Variants in CNTNAP2 observed in about 807,000 individuals in gnomAD.
The protein encoded by CNTNAP2 is contactin associated protein 2.
A neutral mutation model predicts 155.2 loss-of-function variants in CNTNAP2; 98 were observed. The ratio of observed to expected loss-of-function variants is 0.63; its 90% CI spans 0.54 to 0.75. The LOEUF (loss-of-function observed/expected upper bound fraction) is 0.75, where lower values mean the gene tolerates loss of function less well. Among genes scored for constraint, CNTNAP2 ranks in the 30% least tolerant of loss-of-function variants. The pLI is 0.00. For missense variants in CNTNAP2, 1,727 were observed against 1,688.1 expected (o/e 1.02, Z -0.40); for synonymous variants, 651 against 631.2 (o/e 1.03, Z -0.47).
At chr7:146,573,636 A>G (rs11980615) in intron 1 of CNTNAP2, among the ~76,000 whole-genome samples, 4,611 of 152,262 alleles carry the variant, frequency 0.03, 255 homozygotes, top group African/African-American at 0.11. Flanking sequence ...CACCTGCATA[A>G]AGACCTAAGA....
Position 147,903,399 on chromosome 7 carries a change from G to A in CNTNAP2, c.2099-166G>A, listed in dbSNP as rs916043167. On this transcript the variant is annotated intron_variant, in intron 13 of 23. Coordinates refer to ENST00000361727, the MANE Select transcript of CNTNAP2 (RefSeq NM_014141.6). ...CTTTGTCAGATAGATAGACTGTGAA[G>A]ATTTTCTCCCACTCTGTGGGTTGTC... 2.0e-5 allele frequency among the ~76,000 whole-genome samples: 3 copies of A among 152,154 alleles called. No individual in the cohort carries two copies. The East Asian group carries it at 5.8e-4, about 29-fold the overall frequency.
intron 1 of CNTNAP2, among the ~76,000 whole-genome samples, chr7:146,671,996 AGTAGAGACGGG>A (rs1239273664): frequency 3.3e-5 from 5 of 152,034 alleles, no homozygotes; most frequent in African/African-American, 1.2e-4. Flanking sequence ...TTGTATTTTT[AGTAGAGACGGG>A]GTTTCACCAT....
intron 3 of CNTNAP2, chr7:146,915,869 G>A (rs1796382924): frequency 6.6e-6 from 1 of 152,130 alleles, no homozygotes; most frequent in Non-Finnish European, 1.5e-5. Flanking sequence ...AATAGAAGTG[G>A]TGAAAGTGGG....
chr7:147,768,430 A>G (rs1797416361), intron 13 of CNTNAP2, among the ~76,000 whole-genome samples: 2 of 152,118 alleles, frequency 1.3e-5, no homozygotes, highest in Admixed American at 1.3e-4. Context: ...ACTCTTTACT[A>G]TATTAGTGCT....
intron 16 of CNTNAP2, among the ~76,000 whole-genome samples, chr7:148,124,272 A>T (rs1307732342): frequency 1.3e-5 from 2 of 152,130 alleles, no homozygotes; most frequent in Admixed American, 1.3e-4. Flanking sequence ...TTGTGTGTGG[A>T]CGTTTGTTTG....
At chr7:148,269,785 A>G (rs1047175757) in intron 21 of CNTNAP2, among the ~76,000 whole-genome samples, 1 of 152,212 alleles carries the variant, frequency 6.6e-6, no homozygotes, top group Non-Finnish European at 1.5e-5. Flanking sequence ...TTCATGAGTC[A>G]TGGATCTGAG....
At chr7:147,332,468 A>G (rs1031285187) in intron 9 of CNTNAP2, among the ~76,000 whole-genome samples, 2 of 152,190 alleles carry the variant, frequency 1.3e-5, no homozygotes, top group African/African-American at 4.8e-5. Context: ...ATGCCTGATT[A>G]ACACCTGGAG....
rs1211314246 is a variant in CNTNAP2, at chr7:148,371,247, A to G, written c.3476-12402A>G. On this transcript the variant is annotated intron_variant, in intron 21 of 23. Transcript: ENST00000361727. Reference sequence around the variant, plus strand: ...TTCTTCTATCAGCCCCATTGTCCCAACAAAGGAGGGGGAGAGGAGGCTACG... The same window carrying G: ...TTCTTCTATCAGCCCCATTGTCCCAGCAAAGGAGGGGGAGAGGAGGCTACG... 3.3e-5 allele frequency among the ~76,000 whole-genome samples: 5 copies of G among 152,204 alleles called. 1 individual carries two copies. The highest frequency in any genetic ancestry group is 1.3e-4 in the Admixed American group (2 of 15,280).
chr7:146,891,639 A>G (rs937320195), intron 3 of CNTNAP2, among the ~76,000 whole-genome samples: 1 of 152,182 alleles, frequency 6.6e-6, no homozygotes, highest in African/African-American at 2.4e-5. Flanking sequence ...ATGATTTTTT[A>G]CAATAATATG....
chr7:146,976,091 G>A (rs1298664829), intron 3 of CNTNAP2, among the ~76,000 whole-genome samples: 2 of 152,170 alleles, frequency 1.3e-5, no homozygotes, highest in South Asian at 2.1e-4. Context: ...TTGAAATATG[G>A]TGTCAAGTTT....
chr7:147,600,113 T>C (rs971303697), intron 12 of CNTNAP2, among the ~76,000 whole-genome samples: 1 of 152,184 alleles, frequency 6.6e-6, no homozygotes, highest in Admixed American at 6.5e-5. Context: ...ATGCAGGAAA[T>C]TGGAACAGAC....
intron 1 of CNTNAP2, among the ~76,000 whole-genome samples, chr7:146,661,117 G>C (rs1221036090): frequency 1.3e-5 from 2 of 152,068 alleles, no homozygotes; most frequent in African/African-American, 4.8e-5. Context: ...TTCCACTCAC[G>C]GTTGACAGTT....
intron 3 of CNTNAP2, among the ~76,000 whole-genome samples, chr7:146,951,852 G>A (rs563622468): frequency 6.6e-6 from 1 of 152,092 alleles, no homozygotes; most frequent in South Asian, 2.1e-4. Flanking sequence ...AGCTTGATGG[G>A]GATATCATTT....
chr7:146,339,498 A>C (rs79700195), intron 1 of CNTNAP2, among the ~76,000 whole-genome samples: 1 of 152,302 alleles, frequency 6.6e-6, no homozygotes, highest in Non-Finnish European at 1.5e-5. Flanking sequence ...GATTTTGTGA[A>C]TCTTTGATAA....
rs576397833 is a variant in CNTNAP2 at position 146,399,792 on chromosome 7, C to T, written c.97+282819C>T. On this transcript the variant is annotated intron_variant, in intron 1 of 23. Transcript: ENST00000361727. ...AATTTATATTCCTATTAACAGTGTACAGGGCTCCCCACCGCCCTTGCCACA... is the reference window on the plus strand; with the variant it reads ...AATTTATATTCCTATTAACAGTGTATAGGGCTCCCCACCGCCCTTGCCACA... Among the ~76,000 whole-genome samples the T allele has an allele frequency of 1.1e-3, 173 of 152,212 alleles. 1 individual carries two copies. Among genetic ancestry groups the T allele is most frequent in the South Asian group, 0.01 (50 of 4,832 alleles).
At chr7:147,563,079 C>T (rs1193471348) in intron 12 of CNTNAP2, among the ~76,000 whole-genome samples, 1 of 152,270 alleles carries the variant, frequency 6.6e-6, no homozygotes, top group African/African-American at 2.4e-5. Context: ...ATCCTTTGGA[C>T]AGACACTTGA....
chr7:147,470,134 TTA>T (rs1798191195), intron 10 of CNTNAP2, among the ~76,000 whole-genome samples: 1 of 152,150 alleles, frequency 6.6e-6, no homozygotes, highest in East Asian at 1.9e-4. Flanking sequence ...TAAACAAGAC[TTA>T]GACTTTTAAA....
chr7:147,227,313 C>T (rs1439317678), intron 8 of CNTNAP2, among the ~76,000 whole-genome samples: 2 of 151,848 alleles, frequency 1.3e-5, no homozygotes, highest in African/African-American at 2.4e-5. Flanking sequence ...AATATCTAGA[C>T]TCTTGTAAGC....
chr7:147,167,344 G>T, intron 8 of CNTNAP2: 1 of 654,924 alleles, frequency 1.5e-6, no homozygotes, highest in Non-Finnish European at 2.4e-6. Context: ...GACTGTTTCT[G>T]CCGAAAGAAG....
Sources: allele counts gnomAD v4.1 joint callset (sites outside exome capture counted in the v4.1 genomes callset), GRCh38; gene constraint gnomAD v4.1.1; transcripts MANE v1.5; gene names NCBI Gene and HGNC (gene_info 2026-07-23, HGNC 2026-07-21).